Variants in TRMT9B observed in about 807,000 individuals in gnomAD.
The protein encoded by TRMT9B is probable tRNA methyltransferase 9B.
A neutral mutation model predicts 11.5 loss-of-function variants in TRMT9B; 16 were observed. That is an observed-to-expected ratio of 1.39 (90% CI 0.94 to 2.11). The LOEUF (loss-of-function observed/expected upper bound fraction) is 2.11, where lower values mean the gene tolerates loss of function less well. TRMT9B is among the 30% of genes most tolerant of loss of function. The pLI is 0.00. For synonymous variants in TRMT9B, 274 were observed against 192.4 expected (o/e 1.42, Z -3.51); for missense variants, 941 against 553.8 (o/e 1.70, Z -7.02).
intron 1 of TRMT9B, among the ~76,000 whole-genome samples, chr8:12,963,135 A>C (rs958130463): frequency 6.6e-6 from 1 of 152,238 alleles, no homozygotes; most frequent in Admixed American, 6.5e-5. Context: ...AGTAATCACT[A>C]AACCATGTAT....
At chr8:12,962,267 A>T (rs1802223843) in intron 1 of TRMT9B, 1 of 152,220 alleles carries the variant, frequency 6.6e-6, no homozygotes, top group African/African-American at 2.4e-5. Context: ...GGCTGTGTAG[A>T]CACACCCATA....
At chr8:12,988,609 A>C (rs1806751767) in intron 1 of TRMT9B, among the ~76,000 whole-genome samples, 1 of 152,130 alleles carries the variant, frequency 6.6e-6, no homozygotes, top group South Asian at 2.1e-4. Context: ...AGCAAAAGGG[A>C]AAAAATTCCC....
At chr8:12,999,774 A>T (rs13270714) in intron 2 of TRMT9B, among the ~76,000 whole-genome samples, 1 of 152,080 alleles carries the variant, frequency 6.6e-6, no homozygotes, top group African/African-American at 2.4e-5. Flanking sequence ...TAGGGAGTGT[A>T]GAGGTTATAT....
chr8:12,969,551 CAATA>C (rs1803294560), intron 1 of TRMT9B, among the ~76,000 whole-genome samples: 1 of 152,172 alleles, frequency 6.6e-6, no homozygotes, highest in African/African-American at 2.4e-5. Flanking sequence ...AGATTACTTG[CAATA>C]ACCTAATACA....
At chr8:13,005,761 C>T (rs944445600) in intron 2 of TRMT9B, among the ~76,000 whole-genome samples, 4 of 152,156 alleles carry the variant, frequency 2.6e-5, no homozygotes, top group African/African-American at 4.8e-5. Context: ...AGAGACATGG[C>T]TGGAACCCAA....
chr8:13,022,213 G>T lies in TRMT9B; in HGVS notation c.*169G>T, dbSNP rs1260540584. 1.8e-5 allele frequency: 10 copies of T among 551,052 alleles called. No homozygotes were observed. The highest frequency in any genetic ancestry group is 3.1e-5 in the South Asian group (1 of 31,970). The allele number at this position is 551,052 out of a possible 1,614,324, so 34.1% of individuals were successfully genotyped here. On this transcript the variant is annotated 3_prime_UTR_variant, in exon 5 of 5. Transcript: ENST00000524591. ...TTGTTTTCATTTTTGAATAAGCACA[G>T]ATTCTGGCATTGAAAGCACTTGACA...
rs1814207855 is a variant in TRMT9B, at chr8:13,023,050, G to T, written c.*1006G>T. 2 of 166,992 alleles carry T rather than the reference G, an allele frequency of 1.2e-5. No homozygotes were observed. The highest frequency in any genetic ancestry group is 4.8e-5 in the African/African-American group (2 of 41,428). 10.3% of individuals were successfully genotyped at this position (166,992 alleles called of 1,614,324 possible). On this transcript the variant is annotated 3_prime_UTR_variant, in exon 5 of 5. Transcript: ENST00000524591. ...AAGGAGTGGAGTATGTAGGTAGTAG[G>T]AGTTATATGCAAGTACCCAAGTGGT...
chr8:12,956,076 T>A (rs1179242277), intron 1 of TRMT9B, among the ~76,000 whole-genome samples: 2 of 152,290 alleles, frequency 1.3e-5, no homozygotes, highest in East Asian at 3.9e-4. Context: ...TGCTCTCCAC[T>A]TTCCTTCTTA....
intron 1 of TRMT9B, among the ~76,000 whole-genome samples, chr8:12,977,574 G>A (rs1804657551): frequency 6.6e-6 from 1 of 152,086 alleles, no homozygotes; most frequent in Admixed American, 6.5e-5. Context: ...GGTGGCACAT[G>A]CCTATAATCC....
At chr8:13,019,223 C>G (rs1392472937) in intron 4 of TRMT9B, among the ~76,000 whole-genome samples, 4 of 152,068 alleles carry the variant, frequency 2.6e-5, no homozygotes, top group South Asian at 2.1e-4. Flanking sequence ...AGAAGACGCT[C>G]TAAAGTGAAT....
chr8:12,960,449 T>C (rs1204402208), intron 1 of TRMT9B: 7 of 152,194 alleles, frequency 4.6e-5, no homozygotes, highest in Admixed American at 1.3e-4. Context: ...CCTTGGACTG[T>C]ACCTGTATGG....
chr8:12,994,072 C>T (rs1807890537), intron 2 of TRMT9B, among the ~76,000 whole-genome samples: 1 of 152,236 alleles, frequency 6.6e-6, no homozygotes, highest in Admixed American at 6.5e-5. Context: ...GCCCACCCCA[C>T]TGCCACAGTC....
Position 12,999,276 on chromosome 8 carries a change from G to A in TRMT9B, c.-1-6926G>A, listed in dbSNP as rs111466000. 6.7e-3 allele frequency among the ~76,000 whole-genome samples: 983 copies of A among 145,838 alleles called. 10 individuals carry two copies. Among genetic ancestry groups the A allele is most frequent in the African/African-American group, 0.024 (916 of 38,874 alleles). ...ATCATGCCATCGCACTCCAGCCTGG[G>A]TGACAGAGGGAGACTCCATCTCAAA... On this transcript the variant is annotated intron_variant, in intron 2 of 4. Coordinates refer to ENST00000524591, the MANE Select transcript of TRMT9B (RefSeq NM_020844.3).
At chr8:12,958,356 G>T (rs1291033862) in intron 1 of TRMT9B, 1 of 151,966 alleles carries the variant, frequency 6.6e-6, no homozygotes, top group Non-Finnish European at 1.5e-5. Flanking sequence ...CCCAAGTATT[G>T]GTTTTTAAAT....
chr8:12,999,351 G>A (rs1334424772), intron 2 of TRMT9B, among the ~76,000 whole-genome samples: 2 of 151,594 alleles, frequency 1.3e-5, no homozygotes, highest in Non-Finnish European at 2.9e-5. Context: ...GTTCAGGGTG[G>A]GAGAAGATGG....
chr8:13,026,886 A>G lies in TRMT9B; in HGVS notation c.*4842A>G, dbSNP rs1006549240. 2 of 167,060 alleles carry G rather than the reference A, an allele frequency of 1.2e-5. No individual in the cohort carries two copies. The highest frequency in any genetic ancestry group is 4.8e-5 in the African/African-American group (2 of 41,448). 10.3% of individuals were successfully genotyped at this position (167,060 alleles called of 1,614,324 possible). ...CCCCTTTCCAAATGAGCTTTGGAAA[A>G]GTTTAAGCAAAGATTACACAGCTAG... is the stretch of plus-strand genomic sequence containing the variant. On this transcript the variant is annotated 3_prime_UTR_variant, in exon 5 of 5. Transcript: ENST00000524591.
At chr8:12,965,387 A>G (rs1461189646) in intron 1 of TRMT9B, among the ~76,000 whole-genome samples, 1 of 152,170 alleles carries the variant, frequency 6.6e-6, no homozygotes, top group Non-Finnish European at 1.5e-5. Flanking sequence ...ATTTGGCTAA[A>G]AAGCAGAAGG....
chr8:13,002,137 A>G (rs950131818), intron 2 of TRMT9B, among the ~76,000 whole-genome samples: 3 of 152,218 alleles, frequency 2.0e-5, no homozygotes, highest in Non-Finnish European at 4.4e-5. Flanking sequence ...ACCCGATGGT[A>G]GTAGAGGCCA....
intron 4 of TRMT9B, among the ~76,000 whole-genome samples, chr8:13,019,656 C>G (rs550811895): frequency 6.6e-6 from 1 of 152,274 alleles, no homozygotes; most frequent in South Asian, 2.1e-4. Flanking sequence ...TGGATTGAGT[C>G]TTTCTCAGTC....
Sources: gnomAD v4.1 joint callset for allele counts (sites outside exome capture counted in the v4.1 genomes callset) on GRCh38, gnomAD v4.1.1 for gene constraint, MANE v1.5 for transcripts, NCBI Gene and HGNC (gene_info 2026-07-23, HGNC 2026-07-21) for gene names.